The following ZNF544 variants were observed in gnomAD, a reference collection of about 807,000 sequenced individuals.
ZNF544 encodes the protein zinc finger protein 544, also known as zinc finger protein AF020591.
ZNF544 carries 10 observed loss-of-function variants against 13.5 expected under a neutral mutation model. The ratio of observed to expected loss-of-function variants is 0.74; its 90% CI spans 0.46 to 1.25. The LOEUF is 1.25. ZNF544 is among the 50% of genes most tolerant of loss of function. The pLI is 0.00. For missense variants in ZNF544, 896 were observed against 845.6 expected (o/e 1.06, Z -0.74); for synonymous variants, 323 against 300.5 (o/e 1.07, Z -0.77).
At chr19:58,269,557 G>A (rs545434365) in intron 5 of ZNF544, among the ~76,000 whole-genome samples, 82 of 149,390 alleles carry the variant, frequency 5.5e-4, no homozygotes, top group African/African-American at 2.0e-3. Context: ...GTTGCAGTGA[G>A]CTAAGATTGT....
intron 3 of ZNF544, among the ~76,000 whole-genome samples, chr19:58,232,983 C>G (rs1403167098): frequency 2.7e-5 from 4 of 146,426 alleles, no homozygotes; most frequent in Admixed American, 2.7e-4. Flanking sequence ...ATACCCAAGA[C>G]TGGGTAATTT....
chr19:58,250,759 T>A (rs1024781485), intron 6 of ZNF544, among the ~76,000 whole-genome samples: 2 of 152,152 alleles, frequency 1.3e-5, no homozygotes, highest in East Asian at 3.8e-4. Flanking sequence ...TTACTGCTTG[T>A]CCTGTCATCG....
chr19:58,271,666 C>T (rs1323603488), intron 5 of ZNF544, among the ~76,000 whole-genome samples: 2 of 152,084 alleles, frequency 1.3e-5, no homozygotes, highest in Non-Finnish European at 2.9e-5. Context: ...AGTACTTTCC[C>T]TTTTAAGCCC....
At chr19:58,243,311 C>T (rs548442102) in intron 3 of ZNF544, among the ~76,000 whole-genome samples, 6 of 151,700 alleles carry the variant, frequency 4.0e-5, no homozygotes, top group Non-Finnish European at 8.8e-5. Flanking sequence ...GCCGATGTGG[C>T]GATGGGAGTC....
At chr19:58,248,790 A>G (rs1288117383) in intron 6 of ZNF544, among the ~76,000 whole-genome samples, 1 of 152,220 alleles carries the variant, frequency 6.6e-6, no homozygotes, top group African/African-American at 2.4e-5. Context: ...ATTTATCAAA[A>G]TGAAAGTACA....
intron 4 of ZNF544, among the ~76,000 whole-genome samples, 189 bp from the exon 5 acceptor site, chr19:58,246,112 C>T (rs1291773589): frequency 6.6e-6 from 1 of 152,202 alleles, no homozygotes; most frequent in African/African-American, 2.4e-5. Context: ...AACACAGGCT[C>T]CCTCAAGCCT....
intron 6 of ZNF544, chr19:58,277,169 C>G (rs1484096399): frequency 8.1e-7 from 1 of 1,231,622 alleles, no homozygotes; most frequent in Non-Finnish European, 1.0e-6. Flanking sequence ...TGCCTAACAC[C>G]TGCTCCTTCT....
chr19:58,231,454 G>A (rs2041207033), intron 3 of ZNF544, among the ~76,000 whole-genome samples: 1 of 152,220 alleles, frequency 6.6e-6, no homozygotes, highest in Non-Finnish European at 1.5e-5. Flanking sequence ...TGCCTGGCCT[G>A]TAGGAAGTAC....
intron 3 of ZNF544, among the ~76,000 whole-genome samples, chr19:58,240,655 A>G (rs1052757031): frequency 2.6e-5 from 4 of 151,954 alleles, no homozygotes; most frequent in Non-Finnish European, 4.4e-5. Flanking sequence ...CCAGCTACTC[A>G]AGAGGCTGAG....
intron 6 of ZNF544, among the ~76,000 whole-genome samples, chr19:58,254,193 C>T (rs2046803666): frequency 6.6e-6 from 1 of 151,890 alleles, no homozygotes; most frequent in Non-Finnish European, 1.5e-5. Context: ...CACTGCACTC[C>T]AGCCTGGGTG....
At position 58,262,703 on chromosome 19, in the gene ZNF544, G is replaced by A. The variant is rs147831474; in HGVS notation, c.2097G>A (p.Gln699=). 8.3e-5 allele frequency: 133 copies of A among 1,611,852 alleles called. 1 individual carries two copies. The highest frequency in any genetic ancestry group is 1.1e-4 in the Non-Finnish European group (128 of 1,178,396). ...ECSDCGKSFR[Q]QSQLVVHRRT... The stretch of plus-strand genomic sequence containing the variant: ...GTGACTGTGGGAAATCCTTCCGGCA[G>A]CAATCTCAACTTGTAGTGCATCGGC... Residue 699 remains glutamine (Q), a synonymous_variant, in exon 7 of 7, where the codon CAG becomes CAA. Coordinates refer to ENST00000687789, the MANE Select transcript of ZNF544 (RefSeq NM_014480.4).
intron 4 of ZNF544, among the ~76,000 whole-genome samples, chr19:58,244,270 T>C (rs544552788): frequency 6.6e-6 from 1 of 151,912 alleles, no homozygotes; most frequent in Admixed American, 6.6e-5. Flanking sequence ...CCAGCGCAAG[T>C]CTCCCATGCC....
chr19:58,273,469 T>C (rs1034548901), intron 5 of ZNF544, among the ~76,000 whole-genome samples: 5 of 152,020 alleles, frequency 3.3e-5, no homozygotes, highest in Admixed American at 2.6e-4. Context: ...GGTGGGCGGA[T>C]CACCAGGTCA....
At chr19:58,234,253 G>A (rs1409121050) in intron 3 of ZNF544, among the ~76,000 whole-genome samples, 2 of 152,198 alleles carry the variant, frequency 1.3e-5, no homozygotes, top group East Asian at 1.9e-4. Flanking sequence ...GGCCAGGGTC[G>A]TTCCAGTCTC....
At chr19:58,229,101 A>AGGGCAG (rs1285626653) in intron 1 of ZNF544, 155 bp downstream of exon 1, 3 of 152,552 alleles carry the variant, frequency 2.0e-5, no homozygotes, top group African/African-American at 7.2e-5. Flanking sequence ...AGGCCGAGCA[A>AGGGCAG]GGGCAGGGGC....
rs776836561 is a variant in ZNF544 at position 58,261,444 on chromosome 19, A to C, written c.838A>C (p.Ser280Arg). ...CTGTAAGGATTATGGAAACCTCTTC[A>C]GTCACAGTGTGTCTCTGAATGAACA... ...DDCKDYGNLF[S>R]HSVSLNEQKP... is the part of the protein sequence containing the mutation. The change falls in exon 7 of 7, where the codon AGT becomes CGT. Residue 280 changes from serine to arginine, a missense_variant. Coordinates refer to ENST00000687789, the MANE Select transcript of ZNF544 (RefSeq NM_014480.4). The C allele has an allele frequency of 1.9e-6, 3 of 1,614,234 alleles. No individual in the cohort carries two copies. Among genetic ancestry groups the C allele is most frequent in the East Asian group, 4.5e-5 (2 of 44,890 alleles).
chr19:58,266,978 T>C (rs2049997835), downstream of ZNF544: 1 of 152,140 alleles, frequency 6.6e-6, no homozygotes, highest in African/African-American at 2.4e-5. Context: ...TCAATATGGG[T>C]GGGAGGCAAG....
chr19:58,234,740 A>G (rs2042042534), intron 3 of ZNF544, among the ~76,000 whole-genome samples: 1 of 152,238 alleles, frequency 6.6e-6, no homozygotes, highest in South Asian at 2.1e-4. Context: ...TGAGGGTGAA[A>G]TTTGGAAAAC....
chr19:58,261,526 G>C lies in ZNF544; in HGVS notation c.920G>C (p.Cys307Ser). The change falls in exon 7 of 7, where the codon TGT becomes TCT. Residue 307 changes from cysteine to serine, a missense_variant. Coordinates refer to ENST00000687789, the MANE Select transcript of ZNF544 (RefSeq NM_014480.4). ...QYECDECRET[C>S]SESLCLVQTE... ...GAGTGTGATGAGTGCAGGGAAACCT[G>C]TTCTGAGAGTCTGTGCCTTGTACAA... 2 of 1,614,202 alleles carry C rather than the reference G, an allele frequency of 1.2e-6. No individual in the cohort carries two copies. The highest frequency in any genetic ancestry group is 1.7e-6 in the Non-Finnish European group (2 of 1,180,030).
Sources: gnomAD v4.1 joint callset for allele counts (sites outside exome capture counted in the v4.1 genomes callset) on GRCh38, gnomAD v4.1.1 for gene constraint, MANE v1.5 for transcripts, NCBI Gene and HGNC (gene_info 2026-07-23, HGNC 2026-07-21) for gene names.